Variants in GCGR observed in about 807,000 individuals in gnomAD.
The protein encoded by GCGR is glucagon receptor.
A neutral mutation model predicts 56.1 loss-of-function variants in GCGR; 41 were observed. The ratio of observed to expected loss-of-function variants is 0.73; its 90% CI spans 0.57 to 0.95. The LOEUF (loss-of-function observed/expected upper bound fraction) is 0.95. Among genes scored for constraint, GCGR ranks in the 40% least tolerant of loss-of-function variants. The pLI is 0.00. For synonymous variants in GCGR, 278 were observed against 271.1 expected, an observed-to-expected ratio of 1.03 and a Z score of -0.25; for missense variants, 595 against 638.2, an observed-to-expected ratio of 0.93 and a Z score of 0.73.
rs2038121137 is a variant in GCGR, at chr17:81,812,407, G to A, written c.948+155G>A. On this transcript the variant is annotated intron_variant, in intron 10 of 13. Coordinates refer to ENST00000400723, the MANE Select transcript of GCGR (RefSeq NM_000160.5). The surrounding 1 kb of genome is among the most constrained non-coding windows in gnomAD (Gnocchi z 8.5). ...GACACTGGCCAGCACCCTGGACACT[G>A]AGCCAGGCTGTTCCTCCCTGGCTGT... The A allele has an allele frequency of 9.6e-7, 1 of 1,045,530 alleles. No individual in the cohort carries two copies. Among genetic ancestry groups the A allele is most frequent in the Non-Finnish European group, 1.4e-6 (1 of 722,162 alleles). 64.8% of individuals were successfully genotyped at this position (1,045,530 alleles called of 1,614,324 possible). A position where few individuals can be genotyped will look rare whatever the true frequency, so the allele number is the denominator to read the frequency against.
At position 81,813,084 on chromosome 17, in the gene GCGR, C is replaced by A. The variant is rs1195636459; in HGVS notation, c.1218+27C>A. On this transcript the variant is annotated intron_variant, in intron 13 of 13. Coordinates refer to ENST00000400723, the MANE Select transcript of GCGR (RefSeq NM_000160.5). The surrounding 1 kb of genome is among the most constrained non-coding windows in gnomAD (Gnocchi z 5.3). Reference sequence around the variant, plus strand: ...TAGGTGGGAGTGGGGGCATCTGAGACCATCAGCACTGGCCGTCGGGGTCAG... The same window carrying A: ...TAGGTGGGAGTGGGGGCATCTGAGAACATCAGCACTGGCCGTCGGGGTCAG... 63 of 1,535,288 alleles carry A rather than the reference C, an allele frequency of 4.1e-5. No individual in the cohort carries two copies. The highest frequency in any genetic ancestry group is 5.1e-5 in the Non-Finnish European group (59 of 1,146,750).
In GCGR at chr17:81,811,092, C is replaced by T. The variant is rs1419418814; in HGVS notation, c.354C>T (p.Ala118=). 5 of 1,536,208 alleles carry T rather than the reference C, an allele frequency of 3.3e-6. No individual in the cohort carries two copies. The highest frequency in any genetic ancestry group is 3.5e-6 in the Non-Finnish European group (4 of 1,146,828). ...RGPRGQPWRD[A]SQCQMDGEEI... ...CCCGGGGGCAGCCTTGGCGTGATGC[C>T]TCCCAGTGCCAGATGGATGGCGAGG... The change falls in exon 5 of 14, where the codon GCC becomes GCT. Residue 118 remains alanine (A), a synonymous_variant. Transcript: ENST00000400723. This position sits in a 1 kb window ranked among gnomAD's most constrained non-coding sequence, Gnocchi z 5.8.
Position 81,811,083 on chromosome 17 carries a change from G to A in GCGR, c.345G>A (p.Trp115Ter), listed in dbSNP as rs1473810541. ...QWVRGPRGQP[W>*]RDASQCQMDG... ...TGCGTGGACCCCGGGGGCAGCCTTG[G>A]CGTGATGCCTCCCAGTGCCAGATGG... is the stretch of plus-strand genomic sequence containing the variant. Residue 115 changes from tryptophan (W) to a stop codon, truncating the protein, a stop_gained, in exon 5 of 14, where the codon TGG (tryptophan) becomes TGA (stop). Transcript: ENST00000400723. LOFTEE classifies it high-confidence loss of function. This position sits in a 1 kb window ranked among gnomAD's most constrained non-coding sequence, Gnocchi z 5.8. 1.3e-6 allele frequency: 2 copies of A among 1,536,196 alleles called. No homozygotes were observed. Among genetic ancestry groups the A allele is most frequent in the Admixed American group, 3.9e-5 (2 of 51,008 alleles).
In GCGR at chr17:81,811,822, G is replaced by A; in HGVS notation, c.817+12G>A. The A allele has an allele frequency of 6.5e-7, 1 of 1,536,944 alleles. No individual in the cohort carries two copies. Among genetic ancestry groups the A allele is most frequent in the Non-Finnish European group, 8.7e-7 (1 of 1,146,842 alleles). The stretch of plus-strand genomic sequence containing the variant: ...GGGCATCGGCTGGGGTGAGTGGGCT[G>A]GCATGAGAGGGGGTTAAGGCAGGCT... On this transcript the variant is annotated intron_variant, in intron 8 of 13. Transcript: ENST00000400723. The surrounding 1 kb of genome is among the most constrained non-coding windows in gnomAD (Gnocchi z 5.8).
Position 81,804,867 on chromosome 17 carries a change from G to C in GCGR, c.-178+618G>C, listed in dbSNP as rs1334277950. On this transcript the variant is annotated intron_variant, in intron 1 of 13. Coordinates refer to ENST00000400723, the MANE Select transcript of GCGR (RefSeq NM_000160.5). This position sits in a 1 kb window ranked among gnomAD's most constrained non-coding sequence, Gnocchi z 8.2. The stretch of plus-strand genomic sequence containing the variant: ...ACCACCCGGCCGACTCGGCCACCGG[G>C]CTTATGCTCCGACTCTGAACCGACT... Among the ~76,000 whole-genome samples, 1 of 152,174 alleles carries C rather than the reference G, an allele frequency of 6.6e-6. No individual in the cohort carries two copies. The highest frequency in any genetic ancestry group is 1.9e-4 in the East Asian group (1 of 5,196).
rs551705019 is a variant in GCGR, at chr17:81,810,368, G to A, written c.164-457G>A. 1.1e-3 allele frequency: 359 copies of A among 329,402 alleles called. 4 individuals carry two copies. Among genetic ancestry groups the A allele is most frequent in the African/African-American group, 7.1e-3 (332 of 47,040 alleles). 20.4% of individuals were successfully genotyped at this position (329,402 alleles called of 1,614,324 possible). ...GGAGGCAGCCACCACTGGGCAGAGG[G>A]GGGCAGGTGTGGCAGCCTCCATTGG... On this transcript the variant is annotated intron_variant, in intron 3 of 13. Coordinates refer to ENST00000400723, the MANE Select transcript of GCGR (RefSeq NM_000160.5). This position sits in a 1 kb window ranked among gnomAD's most constrained non-coding sequence, Gnocchi z 4.6.
intron 2 of GCGR, 75 bp from the exon 3 acceptor site, chr17:81,809,707 C>T: frequency 8.5e-7 from 1 of 1,173,314 alleles, no homozygotes; most frequent in East Asian, 2.6e-5. Context: ...GCCTGCCTGT[C>T]TGCCTGTCTG....
Position 81,812,166 on chromosome 17 carries a change from G to A in GCGR, c.879-17G>A, listed in dbSNP as rs1376156341. Reference sequence around the variant, plus strand: ...CTGGGGGCTGTGCCCCAGTATGTGAGTGGCCTGGCCTCGCAGGTGCTGGAC... The same window carrying A: ...CTGGGGGCTGTGCCCCAGTATGTGAATGGCCTGGCCTCGCAGGTGCTGGAC... On this transcript the variant is annotated splice_polypyrimidine_tract_variant and intron_variant, in intron 9 of 13. Coordinates refer to ENST00000400723, the MANE Select transcript of GCGR (RefSeq NM_000160.5). The surrounding 1 kb of genome is among the most constrained non-coding windows in gnomAD (Gnocchi z 8.5). 1.6e-5 allele frequency: 25 copies of A among 1,536,102 alleles called. No individual in the cohort carries two copies. The East Asian group carries it at 4.2e-4, about 26-fold the overall frequency.
Position 81,806,073 on chromosome 17 carries a change from G to A in GCGR, c.-178+1824G>A, listed in dbSNP as rs927592653. Among the ~76,000 whole-genome samples the A allele has an allele frequency of 1.3e-5, 2 of 152,116 alleles. No homozygotes were observed. Among genetic ancestry groups the A allele is most frequent in the South Asian group, 2.1e-4 (1 of 4,818 alleles). ...TCCCCACTTGGGAAGTTAAATCGTC[G>A]TCCCCGTCCCAGGACCACAGCAGCC... On this transcript the variant is annotated intron_variant, in intron 1 of 13. Coordinates refer to ENST00000400723, the MANE Select transcript of GCGR (RefSeq NM_000160.5). This position sits in a 1 kb window ranked among gnomAD's most constrained non-coding sequence, Gnocchi z 6.5.
In GCGR at chr17:81,812,750, G is replaced by C; in HGVS notation, c.1038-57G>C. 1 of 1,532,532 alleles carries C rather than the reference G, an allele frequency of 6.5e-7. No homozygotes were observed. Among genetic ancestry groups the C allele is most frequent in the Admixed American group, 2.0e-5 (1 of 50,924 alleles). The allele number at this position is 1,532,532 out of a possible 1,614,324, so 94.9% of individuals were successfully genotyped here. ...TGGGGGTGGGGACTCCAAGCTCCAC[G>C]TGGATGGTGCGGGCCGAGGGTGGGG... On this transcript the variant is annotated intron_variant, in intron 11 of 13. Coordinates refer to ENST00000400723, the MANE Select transcript of GCGR (RefSeq NM_000160.5). The surrounding 1 kb of genome is among the most constrained non-coding windows in gnomAD (Gnocchi z 8.5).
chr17:81,812,994 C>A lies in GCGR; in HGVS notation c.1177-22C>A. On this transcript the variant is annotated intron_variant, in intron 12 of 13. Coordinates refer to ENST00000400723, the MANE Select transcript of GCGR (RefSeq NM_000160.5). This position sits in a 1 kb window ranked among gnomAD's most constrained non-coding sequence, Gnocchi z 8.5. ...CCCGCCCGGGGCGCAGTGTGCCACC[C>A]CTGACCACCCTGTCTCTCCAGGGCC... 6.5e-7 allele frequency: 1 copy of A among 1,536,268 alleles called. No homozygotes were observed.
Position 81,812,598 on chromosome 17 carries a change from CG to C in GCGR, c.971del (p.Arg324ProfsTer29). 1 of 1,536,572 alleles carries C rather than the reference CG, an allele frequency of 6.5e-7. No individual in the cohort carries two copies. The highest frequency in any genetic ancestry group is 8.7e-7 in the Non-Finnish European group (1 of 1,146,780). On this transcript the variant is annotated frameshift_variant, in exon 11 of 14. Transcript: ENST00000400723. LOFTEE classifies it high-confidence loss of function. This position sits in a 1 kb window ranked among gnomAD's most constrained non-coding sequence, Gnocchi z 8.5. ...ACAGATCAACTTCTTCATCTTCGTC[CG>C]CATCGTTCAGCTGCTCGTGGCCAAG... ...AILINFFIFV[R>X]IVQLLVAKLR...
chr17:81,812,457 T>C lies in GCGR; in HGVS notation c.949-120T>C. ...TGTGCCCACCAGCCCCAGGGCTATG[T>C]GGCCCAGGGCCTATCTTGCTGCCAG... On this transcript the variant is annotated intron_variant, in intron 10 of 13. Transcript: ENST00000400723. The surrounding 1 kb of genome is among the most constrained non-coding windows in gnomAD (Gnocchi z 8.5). 2.7e-6 allele frequency: 3 copies of C among 1,101,766 alleles called. No homozygotes were observed. Among genetic ancestry groups the C allele is most frequent in the Non-Finnish European group, 3.9e-6 (3 of 774,228 alleles). The allele number at this position is 1,101,766 out of a possible 1,614,324, so 68.2% of individuals were successfully genotyped here. A position where few individuals can be genotyped will look rare whatever the true frequency, so the allele number is the denominator to read the frequency against.
In GCGR at chr17:81,813,093, C is replaced by T. The variant is rs2038138053; in HGVS notation, c.1218+36C>T. 2.0e-6 allele frequency: 3 copies of T among 1,535,010 alleles called. No individual in the cohort carries two copies. Among genetic ancestry groups the T allele is most frequent in the Admixed American group, 2.0e-5 (1 of 50,972 alleles). On this transcript the variant is annotated intron_variant, in intron 13 of 13. Coordinates refer to ENST00000400723, the MANE Select transcript of GCGR (RefSeq NM_000160.5). The surrounding 1 kb of genome is among the most constrained non-coding windows in gnomAD (Gnocchi z 5.3). The stretch of plus-strand genomic sequence containing the variant: ...GTGGGGGCATCTGAGACCATCAGCA[C>T]TGGCCGTCGGGGTCAGGGGCAGAGA...
chr17:81,810,965 C>A lies in GCGR; in HGVS notation c.271+33C>A. 2.4e-6 allele frequency: 2 copies of A among 839,140 alleles called. No homozygotes were observed. Among genetic ancestry groups the A allele is most frequent in the Non-Finnish European group, 3.6e-6 (2 of 561,094 alleles). 52.0% of individuals were successfully genotyped at this position (839,140 alleles called of 1,614,324 possible). Reference sequence around the variant, plus strand: ...TAGAGGGGAGGAACTGTGGGGGGGGCGGGCCCAGGGTGGGGCTGACCCCAG... The same window carrying A: ...TAGAGGGGAGGAACTGTGGGGGGGGAGGGCCCAGGGTGGGGCTGACCCCAG... On this transcript the variant is annotated intron_variant, in intron 4 of 13. Coordinates refer to ENST00000400723, the MANE Select transcript of GCGR (RefSeq NM_000160.5). The surrounding 1 kb of genome is among the most constrained non-coding windows in gnomAD (Gnocchi z 4.6).
chr17:81,809,711 C>T (rs2038052530), intron 2 of GCGR, 71 bp from the exon 3 acceptor site: 1 of 1,222,154 alleles, frequency 8.2e-7, no homozygotes, highest in Middle Eastern at 1.9e-4. Context: ...GCCTGTCTGC[C>T]TGTCTGTCTG....
At chr17:81,808,276 T>C (rs2038002790) in intron 1 of GCGR, among the ~76,000 whole-genome samples, 1 of 152,168 alleles carries the variant, frequency 6.6e-6, no homozygotes, top group Admixed American at 6.5e-5. Flanking sequence ...AAGCCAGCTT[T>C]CCCAGGGGCT....
intron 2 of GCGR, among the ~76,000 whole-genome samples, chr17:81,809,344 C>T (rs1297128078): frequency 1.3e-5 from 2 of 149,814 alleles, no homozygotes; most frequent in African/African-American, 5.0e-5. Context: ...ATCTGCCTGC[C>T]TGTCTGTCGG....
rs1488298777 is a variant in GCGR, at chr17:81,810,959, G to A, written c.271+27G>A. 6.5e-7 allele frequency: 1 copy of A among 1,536,124 alleles called. No homozygotes were observed. The highest frequency in any genetic ancestry group is 1.2e-5 in the South Asian group (1 of 84,062). On this transcript the variant is annotated intron_variant, in intron 4 of 13. Transcript: ENST00000400723. The surrounding 1 kb of genome is among the most constrained non-coding windows in gnomAD (Gnocchi z 4.6). ...TACCCATAGAGGGGAGGAACTGTGG[G>A]GGGGGCGGGCCCAGGGTGGGGCTGA...
Sources: allele counts gnomAD v4.1 joint callset (sites outside exome capture counted in the v4.1 genomes callset), GRCh38; gene constraint gnomAD v4.1.1; non-coding constraint Gnocchi (gnomAD v3.1); transcripts MANE v1.5; gene names NCBI Gene and HGNC (gene_info 2026-07-23, HGNC 2026-07-21).